Variants in ACOT7 observed in about 807,000 individuals in gnomAD.
ACOT7 encodes the protein cytosolic acyl coenzyme A thioester hydrolase.
In ACOT7, 12 loss-of-function variants were observed where a neutral mutation model predicts 40.2. That is an observed-to-expected ratio of 0.30 (90% CI 0.19 to 0.48). ACOT7 has a LOEUF of 0.48. Ranked by LOEUF, ACOT7 falls within the 20% of genes least tolerant of loss-of-function variation. ACOT7 has a pLI of 0.99. For synonymous variants in ACOT7, 228 were observed against 219.5 expected, an observed-to-expected ratio of 1.04 and a Z score of -0.34; for missense variants, 395 against 530.8, an observed-to-expected ratio of 0.74 and a Z score of 2.51.
At chr1:6,285,105 G>A (rs1437182203) in intron 7 of ACOT7, among the ~76,000 whole-genome samples, 1 of 152,198 alleles carries the variant, frequency 6.6e-6, no homozygotes, top group East Asian at 1.9e-4. Context: ...ACGAGGGCAG[G>A]GCTGGGCCCA....
Position 6,370,873 on chromosome 1 carries a change from C to T in ACOT7, c.144-21007G>A, listed in dbSNP as rs367936975. Reference sequence around the variant, plus strand: ...TTGCCCAGGCTGGAGTGCAGTGGTGCGATCTCGGCTCACTGCAACCTCTGC... The same window carrying T: ...TTGCCCAGGCTGGAGTGCAGTGGTGTGATCTCGGCTCACTGCAACCTCTGC... On this transcript the variant is annotated intron_variant, in intron 1 of 8. Transcript: ENST00000361521. Among the ~76,000 whole-genome samples, 39 of 151,426 alleles carry T rather than the reference C, an allele frequency of 2.6e-4. 1 individual carries two copies. In the South Asian group the frequency reaches 5.2e-3, roughly 20 times the overall value.
intron 6 of ACOT7, among the ~76,000 whole-genome samples, chr1:6,314,458 A>G (rs1188577077): frequency 2.0e-5 from 3 of 152,136 alleles, no homozygotes; most frequent in African/African-American, 7.2e-5. Context: ...GAAGTGAAGA[A>G]TGCATGCTCA....
At chr1:6,291,906 G>A (rs1639676077) in intron 7 of ACOT7, among the ~76,000 whole-genome samples, 1 of 152,206 alleles carries the variant, frequency 6.6e-6, no homozygotes, top group Non-Finnish European at 1.5e-5. Context: ...CCTACCAAGG[G>A]GCAAGCGTGG....
At chr1:6,388,201 C>A (rs917794865) in intron 1 of ACOT7, among the ~76,000 whole-genome samples, 1 of 151,946 alleles carries the variant, frequency 6.6e-6, no homozygotes, top group Non-Finnish European at 1.5e-5. Flanking sequence ...CTCCGCCTCC[C>A]GGGTTCATGC....
At position 6,281,144 on chromosome 1, in the gene ACOT7, C is replaced by G; in HGVS notation, c.972G>C (p.Ser324=). ...RAASAFFTYV[S]LSQEGRSLPV... The stretch of plus-strand genomic sequence containing the variant: ...GCAGCGACCTGCCTTCCTGGCTCAG[C>G]GACACGTAGGTGAAGAAGGCACTGG... Residue 324 remains serine (S), a synonymous_variant, in exon 8 of 9, where the codon TCG becomes TCC. Transcript: ENST00000361521. 4 of 1,613,994 alleles carry G rather than the reference C, an allele frequency of 2.5e-6. No homozygotes were observed. The highest frequency in any genetic ancestry group is 2.5e-6 in the Non-Finnish European group (3 of 1,180,034).
rs946952699 is a variant in ACOT7, at chr1:6,327,323, T to C, written c.601A>G (p.Ile201Val). The change falls in exon 5 of 9, where the codon ATC (isoleucine) becomes GTC (valine). Residue 201 changes from isoleucine (I) to valine (V), a missense_variant. Ile to Val is a conservative substitution (Grantham distance 29, BLOSUM62 3). This residue lies in a region of ACOT7 where 309 missense variants were observed against 470.3 expected (regional missense o/e 0.66). Coordinates refer to ENST00000361521, the MANE Select transcript of ACOT7 (RefSeq NM_007274.4). ...RMETKWRNGDIVQPVLNPEPN... is the reference protein window; with the variant it reads ...RMETKWRNGDVVQPVLNPEPN... The stretch of plus-strand genomic sequence containing the variant: ...CCTGGGTTGAGGACTGGCTGGACGA[T>C]GTCCCCGTTCCTCCACTTGGTCTCC... 6.2e-7 allele frequency: 1 copy of C among 1,614,190 alleles called. No homozygotes were observed. The highest frequency in any genetic ancestry group is 8.5e-7 in the Non-Finnish European group (1 of 1,180,020).
intron 8 of ACOT7, among the ~76,000 whole-genome samples, chr1:6,276,915 C>T (rs1571262132): frequency 6.6e-6 from 1 of 152,176 alleles, no homozygotes; most frequent in African/African-American, 2.4e-5. Context: ...CCATTCCCTC[C>T]ATTCAAGCTG....
chr1:6,334,275 T>C (rs1641040448), intron 3 of ACOT7, among the ~76,000 whole-genome samples: 1 of 152,218 alleles, frequency 6.6e-6, no homozygotes. Context: ...GAACTTGACG[T>C]CCTGATGCTC....
chr1:6,294,225 C>T lies in ACOT7; in HGVS notation c.829+639G>A, dbSNP rs1410117516. ...CAAAAATCACCACGTGTCAGGTGCA[C>T]TTCACTGTACTTCTGCAGAGAGCAG... On this transcript the variant is annotated intron_variant, in intron 7 of 8. Transcript: ENST00000361521. This position sits in a 1 kb window ranked among gnomAD's most constrained non-coding sequence, Gnocchi z 4.6. Among the ~76,000 whole-genome samples, 6 of 152,252 alleles carry T rather than the reference C, an allele frequency of 3.9e-5. No individual in the cohort carries two copies. Among genetic ancestry groups the T allele is most frequent in the Non-Finnish European group, 8.8e-5 (6 of 68,046 alleles).
chr1:6,378,841 G>A (rs1042624728), intron 1 of ACOT7, among the ~76,000 whole-genome samples: 3 of 151,864 alleles, frequency 2.0e-5, no homozygotes, highest in East Asian at 1.9e-4. Context: ...GGTGCACGGC[G>A]TGGCCTGCCC....
chr1:6,365,205 G>A (rs774216140), intron 1 of ACOT7, among the ~76,000 whole-genome samples: 32 of 152,284 alleles, frequency 2.1e-4, no homozygotes, highest in Non-Finnish European at 4.3e-4. Context: ...TGGGGGCAGG[G>A]AGGGACCAGA....
chr1:6,333,452 G>C lies in ACOT7; in HGVS notation c.510+25C>G, dbSNP rs532477794. ...CCTGATCTCTGCCATCTGCCCCCAA[G>C]AGAGAAGTAGAAAGGGCACCTTACC... On this transcript the variant is annotated intron_variant, in intron 4 of 8. Transcript: ENST00000361521. 60 of 1,613,076 alleles carry C rather than the reference G, an allele frequency of 3.7e-5. No homozygotes were observed. The Admixed American group carries it at 6.3e-4, about 17-fold the overall frequency.
Position 6,358,275 on chromosome 1 carries a change from C to T in ACOT7, c.144-8409G>A, listed in dbSNP as rs913770889. Among the ~76,000 whole-genome samples, 1 of 152,120 alleles carries T rather than the reference C, an allele frequency of 6.6e-6. No individual in the cohort carries two copies. The highest frequency in any genetic ancestry group is 2.4e-5 in the African/African-American group (1 of 41,432). ...GAAGAGGGAAGGGTGGGAGGAAGGG[C>T]TGTGCCAAGGAAAGTTCCAGCAGCA... On this transcript the variant is annotated intron_variant, in intron 1 of 8. Transcript: ENST00000361521. The surrounding 1 kb of genome is among the most constrained non-coding windows in gnomAD (Gnocchi z 4.1).
intron 1 of ACOT7, among the ~76,000 whole-genome samples, chr1:6,365,445 C>CT (rs1388422522): frequency 4.0e-5 from 6 of 151,876 alleles, no homozygotes; most frequent in African/African-American, 1.2e-4. Flanking sequence ...AGCATTATGC[C>CT]TTAAAAAAAA....
At chr1:6,327,166 A>C (rs1343795360) in intron 5 of ACOT7, 133 bp downstream of exon 5, 1 of 900,858 alleles carries the variant, frequency 1.1e-6, no homozygotes, top group East Asian at 2.7e-5. Flanking sequence ...ACCCCAGAGA[A>C]ACTGGTTCCC....
intron 1 of ACOT7, among the ~76,000 whole-genome samples, chr1:6,381,285 T>A (rs1309561231): frequency 1.3e-5 from 2 of 151,656 alleles, no homozygotes; most frequent in Non-Finnish European, 2.9e-5. Context: ...ATGTCTATGT[T>A]CAAGTATATG....
intron 4 of ACOT7, among the ~76,000 whole-genome samples, chr1:6,331,188 G>A (rs1640943117): frequency 6.6e-6 from 1 of 152,224 alleles, no homozygotes; most frequent in African/African-American, 2.4e-5. Context: ...TGAACCGAGG[G>A]CTGGTGCAGT....
intron 4 of ACOT7, among the ~76,000 whole-genome samples, chr1:6,331,154 A>C (rs1258453014): frequency 6.6e-6 from 1 of 152,232 alleles, no homozygotes; most frequent in African/African-American, 2.4e-5. Flanking sequence ...CAGCCCCACA[A>C]GAACAAGAGA....
intron 6 of ACOT7, among the ~76,000 whole-genome samples, chr1:6,314,761 C>T (rs938154158): frequency 2.0e-5 from 3 of 152,146 alleles, no homozygotes; most frequent in African/African-American, 2.4e-5. Flanking sequence ...CAGAACTGCA[C>T]GCACACCACC....
Sources: allele counts gnomAD v4.1 joint callset (sites outside exome capture counted in the v4.1 genomes callset), GRCh38; gene constraint gnomAD v4.1.1; regional missense constraint gnomAD v4.1.1; non-coding constraint Gnocchi (gnomAD v3.1); transcripts MANE v1.5; gene names NCBI Gene and HGNC (gene_info 2026-07-23, HGNC 2026-07-21).